NFE2L2: variants seen among roughly 807,000 people sequenced by gnomAD.
The protein encoded by NFE2L2 is nuclear factor erythroid 2-related factor 2.
NFE2L2 carries 20 observed loss-of-function variants against 49.6 expected under a neutral mutation model. That is an observed-to-expected ratio of 0.40 (90% CI 0.28 to 0.59). The LOEUF is 0.59. NFE2L2 is among the 20% of genes least tolerant of loss of function. The pLI is 0.40. For synonymous variants in NFE2L2, 244 were observed against 256.5 expected, an observed-to-expected ratio of 0.95 and a Z score of 0.47; for missense variants, 578 against 714.2, an observed-to-expected ratio of 0.81 and a Z score of 2.17.
intron 1 of NFE2L2, among the ~76,000 whole-genome samples, chr2:177,237,423 T>C (rs1463409391): frequency 1.3e-5 from 2 of 152,254 alleles, no homozygotes; most frequent in African/African-American, 2.4e-5. Flanking sequence ...GAGAATAATT[T>C]CTATTTTAAA....
chr2:177,233,454 T>G, intron 2 of NFE2L2, 115 bp from the exon 3 acceptor site: 1 of 813,874 alleles, frequency 1.2e-6, no homozygotes, highest in Non-Finnish European at 1.9e-6. Context: ...AAGTAAATAT[T>G]TATCTTATTT....
At chr2:177,249,414 T>TA (rs1690254659) in intron 1 of NFE2L2, among the ~76,000 whole-genome samples, 2 of 152,150 alleles carry the variant, frequency 1.3e-5, no homozygotes, top group African/African-American at 4.8e-5. Context: ...GCCTTGGTCT[T>TA]ATCACTTGCA....
At chr2:177,249,561 T>C (rs1294487718) in intron 1 of NFE2L2, among the ~76,000 whole-genome samples, 1 of 152,228 alleles carries the variant, frequency 6.6e-6, no homozygotes, top group Non-Finnish European at 1.5e-5. Context: ...AATAGAAATA[T>C]AATGCAATCC....
At position 177,264,555 on chromosome 2, in the gene NFE2L2, G is replaced by A. The variant is rs1202052968; in HGVS notation, c.22C>T (p.Pro8Ser). MMDLELP[P>S]PGLPSQQDMD... is the part of the protein sequence containing the mutation. The stretch of plus-strand genomic sequence containing the variant: ...ACCTGCTGGGACGGGAGTCCCGGCG[G>A]CGGCAGCTCCAAGTCCATCATGATG... Residue 8 changes from proline to serine, a missense_variant, in exon 1 of 5, where the codon CCG becomes TCG. By Grantham distance (74) the Pro-to-Ser change is moderately conservative. Coordinates refer to ENST00000397062, the MANE Select transcript of NFE2L2 (RefSeq NM_006164.5). 1 of 1,519,662 alleles carries A rather than the reference G, an allele frequency of 6.6e-7. No homozygotes were observed. The highest frequency in any genetic ancestry group is 8.8e-7 in the Non-Finnish European group (1 of 1,132,658). 94.1% of individuals were successfully genotyped at this position (1,519,662 alleles called of 1,614,324 possible). A position where few individuals can be genotyped will look rare whatever the true frequency, so the allele number is the denominator to read the frequency against.
intron 1 of NFE2L2, among the ~76,000 whole-genome samples, chr2:177,247,937 C>A (rs1690194851): frequency 6.6e-6 from 1 of 152,164 alleles, no homozygotes; most frequent in African/African-American, 2.4e-5. Flanking sequence ...GTAAGCTCAG[C>A]CTTTCTAATA....
intron 1 of NFE2L2, among the ~76,000 whole-genome samples, chr2:177,236,643 C>T (rs1370502514): frequency 6.6e-6 from 1 of 152,120 alleles, no homozygotes; most frequent in East Asian, 1.9e-4. Flanking sequence ...CAGCTTCAGT[C>T]GGGTTCATGC....
intron 1 of NFE2L2, among the ~76,000 whole-genome samples, chr2:177,258,930 T>C (rs1690627492): frequency 6.6e-6 from 1 of 152,230 alleles, no homozygotes; most frequent in South Asian, 2.1e-4. Context: ...AGCATTGTCT[T>C]AGAATTAAAA....
intron 1 of NFE2L2, among the ~76,000 whole-genome samples, chr2:177,243,177 G>A (rs1236397561): frequency 6.6e-6 from 1 of 151,754 alleles, no homozygotes; most frequent in Non-Finnish European, 1.5e-5. Context: ...CACCCGACCC[G>A]ACCCCTGCCA....
At chr2:177,248,752 A>C (rs999567126) in intron 1 of NFE2L2, among the ~76,000 whole-genome samples, 1 of 151,732 alleles carries the variant, frequency 6.6e-6, no homozygotes, top group Non-Finnish European at 1.5e-5. Context: ...TCCTTCTCCA[A>C]CCCACAAGCT....
intron 1 of NFE2L2, among the ~76,000 whole-genome samples, chr2:177,235,341 G>A (rs1689709840): frequency 6.6e-6 from 1 of 151,888 alleles, no homozygotes; most frequent in African/African-American, 2.4e-5. Flanking sequence ...GGAGGCTGAG[G>A]TAGGAGGATC....
chr2:177,264,643 G>A lies in NFE2L2; in HGVS notation c.-67C>T, dbSNP rs1690871153. ...CCTGTTCCGGCTGCCGAGGCGCGGC[G>A]CGGACAGGGCGGCTCTGGTGGCGGC... is the stretch of plus-strand genomic sequence containing the variant. On this transcript the variant is annotated 5_prime_UTR_variant, in exon 1 of 5. Coordinates refer to ENST00000397062, the MANE Select transcript of NFE2L2 (RefSeq NM_006164.5). 2.9e-6 allele frequency: 4 copies of A among 1,363,568 alleles called. No individual in the cohort carries two copies. The highest frequency in any genetic ancestry group is 1.7e-5 in the South Asian group (1 of 57,954). 84.5% of individuals were successfully genotyped at this position (1,363,568 alleles called of 1,614,324 possible).
At chr2:177,238,656 C>A (rs1689839176) in intron 1 of NFE2L2, among the ~76,000 whole-genome samples, 2 of 152,148 alleles carry the variant, frequency 1.3e-5, no homozygotes, top group African/African-American at 4.8e-5. Context: ...AGGTTGTGGA[C>A]CTAACTAGGG....
intron 1 of NFE2L2, among the ~76,000 whole-genome samples, chr2:177,262,177 A>T (rs1266075991): frequency 6.6e-6 from 1 of 152,230 alleles, no homozygotes; most frequent in Non-Finnish European, 1.5e-5. Flanking sequence ...ACATATCTAA[A>T]AAGTCAAGTT....
At chr2:177,257,476 T>G (rs148182648) in intron 1 of NFE2L2, among the ~76,000 whole-genome samples, 168 of 152,352 alleles carry the variant, frequency 1.1e-3, no homozygotes, top group African/African-American at 4.0e-3. Flanking sequence ...GCCAGGCACT[T>G]TGAAACACAG....
intron 3 of NFE2L2, chr2:177,232,931 C>A: frequency 2.1e-6 from 1 of 482,262 alleles, no homozygotes; most frequent in Non-Finnish European, 3.6e-6. Context: ...CCAGCTGGCT[C>A]TTTACTCACC....
intron 1 of NFE2L2, among the ~76,000 whole-genome samples, chr2:177,259,406 C>T (rs973339437): frequency 6.6e-6 from 1 of 152,048 alleles, no homozygotes; most frequent in Non-Finnish European, 1.5e-5. Context: ...CTCAAATACA[C>T]AAAAAGACTT....
chr2:177,244,810 T>A (rs989432252), intron 1 of NFE2L2, among the ~76,000 whole-genome samples: 2 of 151,808 alleles, frequency 1.3e-5, no homozygotes, highest in Non-Finnish European at 2.9e-5. Flanking sequence ...ATGGAGACCA[T>A]CCTGGCTAAC....
At chr2:177,232,938 C>T (rs10183914) in intron 3 of NFE2L2, 145,218 of 480,368 alleles carry the variant, frequency 0.3, 24,213 homozygotes, top group Non-Finnish European at 0.35. Flanking sequence ...GCTCTTTACT[C>T]ACCAAACCTC....
chr2:177,253,624 A>G (rs1439579292), intron 1 of NFE2L2, among the ~76,000 whole-genome samples: 3 of 152,218 alleles, frequency 2.0e-5, no homozygotes, highest in African/African-American at 4.8e-5. Flanking sequence ...CCTAAGATAT[A>G]TGGGGTTAGA....
Sources: allele counts gnomAD v4.1 joint callset (sites outside exome capture counted in the v4.1 genomes callset), GRCh38; gene constraint gnomAD v4.1.1; transcripts MANE v1.5; gene names NCBI Gene and HGNC (gene_info 2026-07-23, HGNC 2026-07-21).